Variants in MXI1 observed in about 807,000 individuals in gnomAD.
MXI1 encodes the protein max-interacting protein 1.
In MXI1, 18 loss-of-function variants were observed where a neutral mutation model predicts 36.9. The observed-to-expected ratio is 0.49, with a 90% CI of 0.34 to 0.72. The LOEUF (loss-of-function observed/expected upper bound fraction) is 0.72. Ranked by LOEUF, MXI1 falls within the 30% of genes least tolerant of loss-of-function variation. The pLI, the probability that MXI1 is intolerant of heterozygous loss-of-function variation, is 0.01. For missense variants in MXI1, 304 were observed against 379.1 expected (o/e 0.80, Z 1.64); for synonymous variants, 160 against 146.7 (o/e 1.09, Z -0.65).
chr10:110,216,665 GTT>G (rs10656872), intron 1 of MXI1, among the ~76,000 whole-genome samples: 14 of 79,064 alleles, frequency 1.8e-4, no homozygotes, highest in Middle Eastern at 8.5e-3. Context: ...TGTGTTTAAT[GTT>G]TTTTTTTTTT....
At position 110,280,147 on chromosome 10, in the gene MXI1, G is replaced by A; in HGVS notation, c.724+62G>A. On this transcript the variant is annotated intron_variant, in intron 5 of 5. Coordinates refer to ENST00000332674, the MANE Select transcript of MXI1 (RefSeq NM_130439.3). ...CATCTCTGTATCTGGATTTAGGGAA[G>A]GTATGTTGGGAGGCACTGTATTTGC... The A allele has an allele frequency of 4.2e-6, 6 of 1,415,748 alleles. 1 individual carries two copies. The South Asian group carries it at 8.9e-5, about 21-fold the overall frequency. 87.7% of individuals were successfully genotyped at this position (1,415,748 alleles called of 1,614,324 possible).
At chr10:110,259,056 A>G (rs1367377484) in intron 3 of MXI1, among the ~76,000 whole-genome samples, 1 of 152,162 alleles carries the variant, frequency 6.6e-6, no homozygotes, top group African/African-American at 2.4e-5. Flanking sequence ...GAAGTACTGT[A>G]ACTTGAAATT....
intron 1 of MXI1, among the ~76,000 whole-genome samples, chr10:110,215,523 T>C (rs540643851): frequency 2.0e-5 from 3 of 152,158 alleles, no homozygotes; most frequent in Non-Finnish European, 4.4e-5. Flanking sequence ...TGTTCCCTCC[T>C]ACCTGATACG....
At chr10:110,214,028 G>A (rs1854569420) in intron 1 of MXI1, among the ~76,000 whole-genome samples, 1 of 152,230 alleles carries the variant, frequency 6.6e-6, no homozygotes, top group Admixed American at 6.5e-5. Context: ...TTACGGAGGA[G>A]GGAACTGAGG....
intron 1 of MXI1, among the ~76,000 whole-genome samples, chr10:110,225,453 A>T (rs1339927556): frequency 6.6e-6 from 1 of 152,038 alleles, no homozygotes; most frequent in Non-Finnish European, 1.5e-5. Flanking sequence ...CTCTGATGAA[A>T]TCATCCCTCG....
At chr10:110,281,920 T>G (rs1857264575) in intron 5 of MXI1, among the ~76,000 whole-genome samples, 1 of 152,210 alleles carries the variant, frequency 6.6e-6, no homozygotes, top group Admixed American at 6.5e-5. Flanking sequence ...AGCCTTTAAC[T>G]TAACAGTTTT....
intron 3 of MXI1, among the ~76,000 whole-genome samples, chr10:110,258,017 A>G (rs1192390932): frequency 6.6e-6 from 1 of 152,266 alleles, no homozygotes; most frequent in Non-Finnish European, 1.5e-5. Context: ...AACAAAATTA[A>G]GACTAGATAT....
intron 3 of MXI1, among the ~76,000 whole-genome samples, chr10:110,253,078 C>A (rs1040201542): frequency 6.6e-6 from 1 of 151,956 alleles, no homozygotes; most frequent in African/African-American, 2.4e-5. Context: ...TTATGCTATA[C>A]TTGTGGGATC....
chr10:110,227,456 G>T, intron 1 of MXI1: 1 of 988,678 alleles, frequency 1.0e-6, no homozygotes, highest in Non-Finnish European at 1.2e-6. Context: ...GGAAGGAGAC[G>T]GGTGGAGGGA....
intron 3 of MXI1, chr10:110,245,644 A>T (rs141894252): frequency 6.6e-6 from 1 of 152,166 alleles, no homozygotes; most frequent in African/African-American, 2.4e-5. Flanking sequence ...CATGCCCAAG[A>T]GTTTAGACTT....
intron 1 of MXI1, among the ~76,000 whole-genome samples, chr10:110,213,009 G>A (rs1416384508): frequency 6.6e-6 from 1 of 152,198 alleles, no homozygotes; most frequent in Non-Finnish European, 1.5e-5. Flanking sequence ...TGATTGGTTA[G>A]ATTTGTCATT....
chr10:110,209,815 T>C (rs1854462622), intron 1 of MXI1, among the ~76,000 whole-genome samples: 1 of 152,102 alleles, frequency 6.6e-6, no homozygotes, highest in South Asian at 2.1e-4. Context: ...GCTACCCCCA[T>C]CCCCGGCTAC....
chr10:110,226,059 G>A (rs1854955872), intron 1 of MXI1: 1 of 1,002,592 alleles, frequency 1.0e-6, no homozygotes, highest in Non-Finnish European at 1.2e-6. Flanking sequence ...GGGGCGGCAG[G>A]GGCGGCGGAG....
At chr10:110,249,587 A>G (rs1317417751) in intron 3 of MXI1, among the ~76,000 whole-genome samples, 1 of 151,958 alleles carries the variant, frequency 6.6e-6, no homozygotes, top group African/African-American at 2.4e-5. Context: ...AAAAAAAAAA[A>G]AAAAGAAGGT....
intron 3 of MXI1, among the ~76,000 whole-genome samples, chr10:110,254,320 C>T (rs1210397922): frequency 6.6e-6 from 1 of 152,062 alleles, no homozygotes; most frequent in East Asian, 1.9e-4. Context: ...AAACCATGCC[C>T]ATATAAGATG....
chr10:110,240,963 C>G (rs968114715), intron 2 of MXI1, among the ~76,000 whole-genome samples: 1 of 151,942 alleles, frequency 6.6e-6, no homozygotes, highest in Non-Finnish European at 1.5e-5. Context: ...TGGTACTACT[C>G]TTGAGCCAAA....
chr10:110,232,307 C>T (rs1351516279), intron 2 of MXI1, among the ~76,000 whole-genome samples: 6 of 152,044 alleles, frequency 3.9e-5, no homozygotes, highest in African/African-American at 9.7e-5. Context: ...TCCTTCAGTA[C>T]GCGTTTTCTT....
chr10:110,245,934 C>A (rs1019316502), intron 3 of MXI1: 3 of 151,954 alleles, frequency 2.0e-5, no homozygotes, highest in African/African-American at 7.3e-5. Flanking sequence ...GATGATATTA[C>A]TGTTAATCAA....
Position 110,217,274 on chromosome 10 carries a change from T to C in MXI1, c.274+9192T>C, listed in dbSNP as rs1469102798. ...CACACTGTCCGGAGGGAGAGGGAGATTGAGAAATTCAAACTGAAGCCAATT... is the reference window on the plus strand; with the variant it reads ...CACACTGTCCGGAGGGAGAGGGAGACTGAGAAATTCAAACTGAAGCCAATT... On this transcript the variant is annotated intron_variant, in intron 1 of 5. Coordinates refer to ENST00000332674, the MANE Select transcript of MXI1 (RefSeq NM_130439.3). Among the ~76,000 whole-genome samples, 4 of 152,158 alleles carry C rather than the reference T, an allele frequency of 2.6e-5. No homozygotes were observed. The South Asian group carries it at 6.2e-4, about 24-fold the overall frequency.
Sources: allele counts gnomAD v4.1 joint callset (sites outside exome capture counted in the v4.1 genomes callset), GRCh38; gene constraint gnomAD v4.1.1; transcripts MANE v1.5; gene names NCBI Gene and HGNC (gene_info 2026-07-23, HGNC 2026-07-21).